TNRC18: variants seen among roughly 807,000 people sequenced by gnomAD.
TNRC18 encodes trinucleotide repeat containing 18.
A neutral mutation model predicts 226.7 loss-of-function variants in TNRC18; 69 were observed. That is an observed-to-expected ratio of 0.30 (90% CI 0.25 to 0.37). TNRC18 has a LOEUF of 0.37. Among genes scored for constraint, TNRC18 ranks in the 10% least tolerant of loss-of-function variants. The probability of loss-of-function intolerance (pLI) is 1.00; values close to 1 mark genes in which losing one functional copy is unlikely to be tolerated. For synonymous variants in TNRC18, 2,449 were observed against 1,927.6 expected (o/e 1.27, Z -7.09); for missense variants, 4,754 against 4,256.6 (o/e 1.12, Z -3.25).
intron 2 of TNRC18, among the ~76,000 whole-genome samples, chr7:5,399,167 C>T (rs557035032): frequency 2.6e-5 from 4 of 152,260 alleles, no homozygotes; most frequent in African/African-American, 4.8e-5. Context: ...AGTTGCCATC[C>T]CCCCGTTTCA....
rs780513890 is a variant in TNRC18 at position 5,362,083 on chromosome 7, A to T, written c.4396-50T>A. 25 of 1,592,624 alleles carry T rather than the reference A, an allele frequency of 1.6e-5. No homozygotes were observed. In the African/African-American group the frequency reaches 3.1e-4, roughly 20 times the overall value. ...GAGGGGGTGAGGATGCCACTGCCTAACGACGCCCACCGCCCACCCAGGGGT... is the reference window on the plus strand; with the variant it reads ...GAGGGGGTGAGGATGCCACTGCCTATCGACGCCCACCGCCCACCCAGGGGT... On this transcript the variant is annotated intron_variant, in intron 12 of 29. Transcript: ENST00000430969.
At chr7:5,362,555 G>A (rs1793164377) in intron 12 of TNRC18, 95 bp downstream of exon 12, 3 of 1,259,506 alleles carry the variant, frequency 2.4e-6, no homozygotes, top group Non-Finnish European at 3.2e-6. Context: ...TGGCGCCAAA[G>A]CCAGCCACGC....
chr7:5,325,283 C>T (rs375833423), intron 19 of TNRC18, 35 bp from the exon 20 acceptor site: 190 of 1,540,514 alleles, frequency 1.2e-4, no homozygotes, highest in East Asian at 2.9e-4. Context: ...AGCCATCAAA[C>T]GGCAGGGAAA....
intron 3 of TNRC18, among the ~76,000 whole-genome samples, chr7:5,393,177 GGCA>G (rs1362276055): frequency 6.6e-6 from 1 of 152,208 alleles, no homozygotes; most frequent in Non-Finnish European, 1.5e-5. Flanking sequence ...GTGAGCTGGT[GGCA>G]GACAGTCCCG....
At position 5,388,784 on chromosome 7, in the gene TNRC18, G is replaced by C; in HGVS notation, c.1040C>G (p.Ala347Gly). 6.6e-6 allele frequency: 8 copies of C among 1,216,906 alleles called. No homozygotes were observed. The highest frequency in any genetic ancestry group is 8.2e-6 in the Non-Finnish European group (8 of 976,664). The allele number at this position is 1,216,906 out of a possible 1,614,324, so 75.4% of individuals were successfully genotyped here. Residue 347 changes from alanine to glycine, a missense_variant, in exon 5 of 30, where the codon GCA becomes GGA. Transcript: ENST00000430969. Reference sequence around the variant, plus strand: ...GCCGGCGGGGGTGGCCGCGGGGGGTGCAGGAGGCCCCTTGGGGGGCGCGGG... The same window carrying C: ...GCCGGCGGGGGTGGCCGCGGGGGGTCCAGGAGGCCCCTTGGGGGGCGCGGG... ...PPPAPPKGPP[A>G]PPAATPAGVY...
intron 2 of TNRC18, among the ~76,000 whole-genome samples, chr7:5,403,170 T>G (rs182158523): frequency 3.3e-5 from 5 of 151,782 alleles, no homozygotes; most frequent in Non-Finnish European, 7.4e-5. Context: ...CTTCACTTTT[T>G]TTTTTTTTTG....
At chr7:5,371,442 C>T in intron 10 of TNRC18, 78 bp from the exon 11 acceptor site, 1 of 1,424,758 alleles carries the variant, frequency 7.0e-7, no homozygotes, top group Non-Finnish European at 9.2e-7. Flanking sequence ...GCCCACCACC[C>T]CAGACAGAGA....
chr7:5,323,540 C>G (rs1435004089), intron 21 of TNRC18, among the ~76,000 whole-genome samples: 1 of 149,902 alleles, frequency 6.7e-6, no homozygotes, highest in African/African-American at 2.5e-5. Context: ...CCTGGGGCCC[C>G]CACTCGTTCT....
rs553006297 is a variant in TNRC18, at chr7:5,313,723, G to A, written c.7168C>T (p.Arg2390Cys). Residue 2390 changes from arginine to cysteine, a missense_variant, in exon 27 of 30, where the codon CGC becomes TGC. Coordinates refer to ENST00000430969, the MANE Select transcript of TNRC18 (RefSeq NM_001080495.3). ...VDKRAKAPKA[R>C]PAPPQPSPAP... ...GGACTGGGCTGCGGCGGTGCCGGGC[G>A]CGCCTTGGGGGCCTTGGCTCGCTTG... The A allele has an allele frequency of 1.3e-5, 21 of 1,581,230 alleles. No individual in the cohort carries two copies. The highest frequency in any genetic ancestry group is 9.3e-5 in the South Asian group (8 of 85,798).
chr7:5,421,845 T>C lies in TNRC18; in HGVS notation c.-243-356A>G, dbSNP rs1414901445. Among the ~76,000 whole-genome samples the C allele has an allele frequency of 2.6e-5, 4 of 152,236 alleles. No homozygotes were observed. In the South Asian group the frequency reaches 6.2e-4, roughly 24 times the overall value. On this transcript the variant is annotated intron_variant, in intron 1 of 29. Transcript: ENST00000430969. The stretch of plus-strand genomic sequence containing the variant: ...AAATACAAACCTCCTATTTTATTCC[T>C]AGGCGTCAAATGCTCCGGGGTTTAA...
intron 24 of TNRC18, 56 bp from the exon 25 acceptor site, chr7:5,316,128 C>G: frequency 7.2e-7 from 1 of 1,381,414 alleles, no homozygotes; most frequent in Non-Finnish European, 1.0e-6. Flanking sequence ...TCCCTAGTGA[C>G]GCACAAGGGT....
intron 2 of TNRC18, chr7:5,407,325 C>G (rs1364884514): frequency 6.6e-6 from 1 of 152,492 alleles, no homozygotes; most frequent in Non-Finnish European, 1.5e-5. Context: ...CCCAGATCAA[C>G]CCGCTTCAGC....
rs10257126 is a variant in TNRC18, at chr7:5,323,717, G to A, written c.6442+497C>T. ...CGGGTAGCTGGGATTACAGGCGCCC[G>A]CCACCACACCCAGCTAATTTTTGTA... On this transcript the variant is annotated intron_variant, in intron 21 of 29. Transcript: ENST00000430969. Among the ~76,000 whole-genome samples, 692 of 151,978 alleles carry A rather than the reference G, an allele frequency of 4.6e-3. 6 individuals are homozygous for A. Among genetic ancestry groups the A allele is most frequent in the African/African-American group, 0.015 (639 of 41,458 alleles).
In TNRC18 at chr7:5,375,936, C is replaced by T; in HGVS notation, c.2799+98G>A. 7.2e-6 allele frequency: 9 copies of T among 1,246,834 alleles called. No homozygotes were observed. The South Asian group carries it at 1.3e-4, about 19-fold the overall frequency. 77.2% of individuals were successfully genotyped at this position (1,246,834 alleles called of 1,614,324 possible). The stretch of plus-strand genomic sequence containing the variant: ...CACCTGCCCCTCTGCTGTTTTCTCC[C>T]TCCCTGTAACTGTCTGGAGATTCTG... On this transcript the variant is annotated intron_variant, in intron 9 of 29. Transcript: ENST00000430969.
rs1314401927 is a variant in TNRC18 at position 5,332,921 on chromosome 7, C to T, written c.5848G>A (p.Ala1950Thr). 3 of 1,541,090 alleles carry T rather than the reference C, an allele frequency of 1.9e-6. No homozygotes were observed. Among genetic ancestry groups the T allele is most frequent in the Admixed American group, 1.9e-5 (1 of 51,470 alleles). Residue 1950 changes from alanine to threonine, a missense_variant, in exon 19 of 30, where the codon GCC becomes ACC. By Grantham distance (58) the Ala-to-Thr change is moderately conservative (BLOSUM62 0). Transcript: ENST00000430969. Reference protein sequence around the residue: ...GPSLAAPTPGARGPDPSSPDK... With the variant: ...GPSLAAPTPGTRGPDPSSPDK... ...GGGCTGCTGGGGTCGGGACCGCGGGCGCCAGGCGTGGGTGCGGCCAGGGAG... is the reference window on the plus strand; with the variant it reads ...GGGCTGCTGGGGTCGGGACCGCGGGTGCCAGGCGTGGGTGCGGCCAGGGAG...
At chr7:5,342,597 C>T (rs1790796994) in intron 18 of TNRC18, among the ~76,000 whole-genome samples, 1 of 152,066 alleles carries the variant, frequency 6.6e-6, no homozygotes, top group East Asian at 1.9e-4. Context: ...TGTCATGAGA[C>T]ATTTGAAAAG....
In TNRC18 at chr7:5,362,736, C is replaced by T. The variant is rs147458296; in HGVS notation, c.4309G>A (p.Val1437Met). ...CGCAGGTTCTTGAGTGGGTCCACCA[C>T]GGGCCCATCCAGCACCTCCCTCAGC... The part of the protein sequence containing the change: ...HMLREVLDGP[V>M]VDPLKNLRLP... Residue 1437 changes from valine (V) to methionine (M), a missense_variant, in exon 12 of 30, where the codon GTG becomes ATG. Coordinates refer to ENST00000430969, the MANE Select transcript of TNRC18 (RefSeq NM_001080495.3). The T allele has an allele frequency of 7.4e-4, 1,164 of 1,573,064 alleles. 10 individuals are homozygous for T. Among genetic ancestry groups the T allele is most frequent in the East Asian group, 8.7e-4 (37 of 42,488 alleles).
At chr7:5,320,492 C>T (rs775877176) in intron 23 of TNRC18, 40 bp downstream of exon 23, 1 of 1,570,056 alleles carries the variant, frequency 6.4e-7, no homozygotes, top group East Asian at 2.3e-5. Context: ...GACACCCAGC[C>T]CACCCCGAGC....
intron 3 of TNRC18, 138 bp from the exon 4 acceptor site, chr7:5,390,766 AG>A: frequency 1.0e-6 from 1 of 993,090 alleles, no homozygotes; most frequent in East Asian, 2.8e-5. Context: ...GCAGCTCCTC[AG>A]GGCAATGCAT....
Sources: gnomAD v4.1 joint callset for allele counts (sites outside exome capture counted in the v4.1 genomes callset) on GRCh38, gnomAD v4.1.1 for gene constraint, MANE v1.5 for transcripts, NCBI Gene and HGNC (gene_info 2026-07-23, HGNC 2026-07-21) for gene names.